The following TBC1D22B variants were observed in gnomAD, a reference collection of about 807,000 sequenced individuals.
TBC1D22B encodes chromosome 6 open reading frame 197.
A neutral mutation model predicts 69.1 loss-of-function variants in TBC1D22B; 32 were observed. The observed-to-expected ratio is 0.46, with a 90% CI of 0.35 to 0.62. The LOEUF (loss-of-function observed/expected upper bound fraction) is 0.62. Among genes scored for constraint, TBC1D22B ranks in the 20% least tolerant of loss-of-function variants. The pLI is 0.00. For synonymous variants in TBC1D22B, 206 were observed against 229.8 expected, an observed-to-expected ratio of 0.90 and a Z score of 0.94; for missense variants, 462 against 630.9, an observed-to-expected ratio of 0.73 and a Z score of 2.87.
intron 12 of TBC1D22B, among the ~76,000 whole-genome samples, chr6:37,322,015 C>T (rs1441983570): frequency 1.3e-5 from 2 of 152,184 alleles, no homozygotes; most frequent in Non-Finnish European, 2.9e-5. Flanking sequence ...TCGAACCTAC[C>T]TACCAAATAG....
intron 12 of TBC1D22B, among the ~76,000 whole-genome samples, chr6:37,318,833 C>T (rs1192693129): frequency 4.6e-5 from 7 of 152,158 alleles, no homozygotes; most frequent in Admixed American, 3.9e-4. Flanking sequence ...CAGAGAGAAT[C>T]ATTAGGGTTG....
rs183223326 is a variant in TBC1D22B, at chr6:37,296,640, T to C, written c.982+5283T>C. Among the ~76,000 whole-genome samples the C allele has an allele frequency of 1.0e-3, 154 of 152,206 alleles. No individual in the cohort carries two copies. In the East Asian group the frequency reaches 0.028, roughly 28 times the overall value. On this transcript the variant is annotated intron_variant, in intron 8 of 12. Coordinates refer to ENST00000373491, the MANE Select transcript of TBC1D22B (RefSeq NM_017772.4). ...TTGGGATTACAGGCATGAGCCACCATGCCTGATCCTAGTCTTACCACCTCT... is the reference window on the plus strand; with the variant it reads ...TTGGGATTACAGGCATGAGCCACCACGCCTGATCCTAGTCTTACCACCTCT...
chr6:37,306,184 C>G (rs1482321657), intron 8 of TBC1D22B, among the ~76,000 whole-genome samples: 2 of 152,214 alleles, frequency 1.3e-5, no homozygotes, highest in Non-Finnish European at 2.9e-5. Flanking sequence ...CAAGTTGTGG[C>G]TTGTCATTTC....
At chr6:37,272,541 C>T (rs1766524532) in intron 2 of TBC1D22B, among the ~76,000 whole-genome samples, 1 of 151,984 alleles carries the variant, frequency 6.6e-6, no homozygotes, top group South Asian at 2.1e-4. Flanking sequence ...GCATGGGCCA[C>T]CATGCCTGGC....
chr6:37,269,097 C>G (rs1048682847), intron 1 of TBC1D22B, among the ~76,000 whole-genome samples: 1 of 152,084 alleles, frequency 6.6e-6, no homozygotes, highest in African/African-American at 2.4e-5. Context: ...ATGCATATTT[C>G]ATTCTTCCTA....
intron 8 of TBC1D22B, among the ~76,000 whole-genome samples, chr6:37,312,327 C>T (rs1767940084): frequency 6.6e-6 from 1 of 152,172 alleles, no homozygotes; most frequent in Non-Finnish European, 1.5e-5. Context: ...CAGAACCCAT[C>T]TTGAGAAATA....
chr6:37,323,627 A>G (rs1439783954), intron 12 of TBC1D22B, among the ~76,000 whole-genome samples: 2 of 152,222 alleles, frequency 1.3e-5, no homozygotes, highest in African/African-American at 4.8e-5. Flanking sequence ...TGCTAAGCCC[A>G]TGGGATGTTC....
At chr6:37,325,238 A>G (rs549925632) in intron 12 of TBC1D22B, among the ~76,000 whole-genome samples, 5 of 152,230 alleles carry the variant, frequency 3.3e-5, no homozygotes, top group African/African-American at 7.2e-5. Context: ...AATTTTCAGC[A>G]GGTACCTGTG....
chr6:37,308,386 A>C (rs1167890085), intron 8 of TBC1D22B, among the ~76,000 whole-genome samples: 1 of 152,042 alleles, frequency 6.6e-6, no homozygotes, highest in African/African-American at 2.4e-5. Context: ...CCCTTTCTCC[A>C]CTGCTTTTTG....
intron 1 of TBC1D22B, among the ~76,000 whole-genome samples, chr6:37,266,921 TTTC>T (rs1407572645): frequency 1.4e-5 from 2 of 147,164 alleles, no homozygotes; most frequent in African/African-American, 2.5e-5. Flanking sequence ...TTTTTAATAT[TTTC>T]TTCGTCTTTT....
rs534113719 is a variant in TBC1D22B at position 37,274,191 on chromosome 6, G to C, written c.113+4541G>C. Among the ~76,000 whole-genome samples, 17 of 152,270 alleles carry C rather than the reference G, an allele frequency of 1.1e-4. No homozygotes were observed. The East Asian group carries it at 3.3e-3, about 29-fold the overall frequency. ...CCAAGTTATAAAACTAGTTCACATG[G>C]AGCCACACTAGTTACTAAGATATCT... On this transcript the variant is annotated intron_variant, in intron 2 of 12. Transcript: ENST00000373491.
intron 3 of TBC1D22B, 106 bp from the exon 4 acceptor site, chr6:37,282,079 C>T (rs1344734648): frequency 1.5e-6 from 2 of 1,323,114 alleles, no homozygotes; most frequent in East Asian, 2.3e-5. Flanking sequence ...ACACAGGCAG[C>T]CACACCCTTG....
At chr6:37,311,210 A>G (rs1486745746) in intron 8 of TBC1D22B, among the ~76,000 whole-genome samples, 1 of 149,558 alleles carries the variant, frequency 6.7e-6, no homozygotes, top group Admixed American at 6.6e-5. Context: ...TCATTCCTAG[A>G]GTCATGGCTT....
chr6:37,314,011 G>A, intron 10 of TBC1D22B, 120 bp downstream of exon 10: 1 of 875,860 alleles, frequency 1.1e-6, no homozygotes, highest in South Asian at 1.4e-5. Flanking sequence ...CCAGCGCACT[G>A]AGTGCTGCTG....
chr6:37,305,487 C>T (rs1450206337), intron 8 of TBC1D22B, among the ~76,000 whole-genome samples: 1 of 151,214 alleles, frequency 6.6e-6, no homozygotes, highest in African/African-American at 2.4e-5. Flanking sequence ...AACTACTTTA[C>T]TGATTTCTAA....
At chr6:37,288,873 C>T (rs1581596552) in intron 7 of TBC1D22B, among the ~76,000 whole-genome samples, 1 of 151,964 alleles carries the variant, frequency 6.6e-6, no homozygotes, top group East Asian at 1.9e-4. Context: ...AGGCTACAGT[C>T]ATCTTTTAAA....
chr6:37,294,453 C>T (rs1286651177), intron 8 of TBC1D22B, among the ~76,000 whole-genome samples: 11 of 152,064 alleles, frequency 7.2e-5, no homozygotes, highest in Non-Finnish European at 1.6e-4. Flanking sequence ...ATTACAAGTA[C>T]GTAGTAGCCA....
At chr6:37,296,836 G>GT (rs67981763) in intron 8 of TBC1D22B, among the ~76,000 whole-genome samples, 4,787 of 150,246 alleles carry the variant, frequency 0.032, 241 homozygotes, top group African/African-American at 0.11. Flanking sequence ...TAATTTTTTG[G>GT]TTTTTTTTTT....
At chr6:37,312,613 G>A (rs958555590) in intron 8 of TBC1D22B, among the ~76,000 whole-genome samples, 6 of 152,210 alleles carry the variant, frequency 3.9e-5, no homozygotes, top group African/African-American at 1.4e-4. Flanking sequence ...GAGACCTGAA[G>A]TATCATTTTC....
Sources: gnomAD v4.1 joint callset for allele counts (sites outside exome capture counted in the v4.1 genomes callset) on GRCh38, gnomAD v4.1.1 for gene constraint, MANE v1.5 for transcripts, NCBI Gene and HGNC (gene_info 2026-07-23, HGNC 2026-07-21) for gene names.